The following GRK3 variants were observed in gnomAD, a reference collection of about 807,000 sequenced individuals.
The protein encoded by GRK3 is G protein-coupled receptor kinase 3.
In GRK3, 54 loss-of-function variants were observed where a neutral mutation model predicts 95.7. The ratio of observed to expected loss-of-function variants is 0.56; its 90% CI spans 0.45 to 0.71. GRK3 has a LOEUF of 0.71. Ranked by LOEUF, GRK3 falls within the 30% of genes least tolerant of loss-of-function variation. The pLI, the probability that GRK3 is intolerant of heterozygous loss-of-function variation, is 0.00. For missense variants in GRK3, 649 were observed against 851.2 expected (o/e 0.76, Z 2.96); for synonymous variants, 281 against 290.8 (o/e 0.97, Z 0.34).
intron 1 of GRK3, among the ~76,000 whole-genome samples, chr22:25,571,149 C>T (rs1931687487): frequency 6.6e-6 from 1 of 152,146 alleles, no homozygotes; most frequent in South Asian, 2.1e-4. Flanking sequence ...CAGCCCAGAC[C>T]TCCATCCTTA....
chr22:25,720,665 C>T (rs945964736), intron 19 of GRK3, among the ~76,000 whole-genome samples: 91 of 151,854 alleles, frequency 6.0e-4, no homozygotes, highest in African/African-American at 2.1e-3. Flanking sequence ...TTAGTAGAGA[C>T]GGGGTTTCAC....
chr22:25,671,384 T>C (rs921658914), intron 6 of GRK3, among the ~76,000 whole-genome samples: 3 of 152,184 alleles, frequency 2.0e-5, no homozygotes, highest in Non-Finnish European at 2.9e-5. Context: ...ACAGATATAT[T>C]GCTCATTAAT....
At chr22:25,665,655 T>C (rs1342937513) in intron 5 of GRK3, among the ~76,000 whole-genome samples, 1 of 152,218 alleles carries the variant, frequency 6.6e-6, no homozygotes, top group Non-Finnish European at 1.5e-5. Flanking sequence ...TTATAAAGTT[T>C]ATTAAAATAA....
At chr22:25,704,073 A>G (rs2085279966) in intron 14 of GRK3, 36 bp from the exon 15 acceptor site, 1 of 1,519,518 alleles carries the variant, frequency 6.6e-7, no homozygotes, top group Admixed American at 1.7e-5. Context: ...CTGTTTCATG[A>G]ACGGATTTTT....
chr22:25,667,053 G>A (rs1204347387), intron 5 of GRK3, among the ~76,000 whole-genome samples: 4 of 152,096 alleles, frequency 2.6e-5, no homozygotes, highest in Non-Finnish European at 4.4e-5. Flanking sequence ...AGGAGCCCTC[G>A]CCTTAACCCC....
chr22:25,585,835 A>C (rs1932280599), intron 1 of GRK3, among the ~76,000 whole-genome samples: 2 of 152,266 alleles, frequency 1.3e-5, no homozygotes, highest in Non-Finnish European at 1.5e-5. Flanking sequence ...GTAGAATCTG[A>C]AAAAAGTTAA....
chr22:25,678,250 C>T (rs1043627546), intron 8 of GRK3, among the ~76,000 whole-genome samples: 12 of 152,118 alleles, frequency 7.9e-5, no homozygotes, highest in Non-Finnish European at 1.2e-4. Context: ...GTCAGGAGAT[C>T]GAGACCATCC....
At chr22:25,608,276 T>A (rs1455886583) in intron 2 of GRK3, among the ~76,000 whole-genome samples, 7 of 152,222 alleles carry the variant, frequency 4.6e-5, no homozygotes, top group African/African-American at 1.7e-4. Flanking sequence ...ATGGTGAGTT[T>A]TCTAAATACA....
chr22:25,639,019 A>G (rs996568145), intron 2 of GRK3, among the ~76,000 whole-genome samples: 1 of 152,146 alleles, frequency 6.6e-6, no homozygotes, highest in African/African-American at 2.4e-5. Context: ...GATGTGTTCA[A>G]ATCTTCCTTG....
In GRK3 at chr22:25,644,649, T is replaced by A; in HGVS notation, c.248T>A (p.Val83Glu). Residue 83 changes from valine (V) to glutamate (E), a missense_variant, in exon 3 of 21, where the codon GTG becomes GAG. Physicochemically the swap from Val to Glu is moderately radical, Grantham distance 121 (BLOSUM62 -2). Coordinates refer to ENST00000324198, the MANE Select transcript of GRK3 (RefSeq NM_005160.4). ...LNEINEAVPQ[V>E]KFYEEIKEYE... ...GAAATTAATGAAGCTGTACCTCAGG[T>A]GAAGTTTTATGAAGAGGTAAGAAGT... 6.4e-7 allele frequency: 1 copy of A among 1,551,298 alleles called. No individual in the cohort carries two copies. Among genetic ancestry groups the A allele is most frequent in the Non-Finnish European group, 8.9e-7 (1 of 1,129,410 alleles).
intron 13 of GRK3, chr22:25,703,022 T>G: frequency 5.4e-6 from 2 of 368,652 alleles, no homozygotes; most frequent in Non-Finnish European, 1.1e-5. Context: ...AAGGGATGTA[T>G]TACTTAAAAT....
At chr22:25,633,890 A>T (rs2084681406) in intron 2 of GRK3, among the ~76,000 whole-genome samples, 1 of 152,172 alleles carries the variant, frequency 6.6e-6, no homozygotes, top group South Asian at 2.1e-4. Context: ...ATTCCATACA[A>T]CATAGTTATG....
chr22:25,620,784 C>T (rs1428800675), intron 2 of GRK3, among the ~76,000 whole-genome samples: 1 of 152,060 alleles, frequency 6.6e-6, no homozygotes, highest in Non-Finnish European at 1.5e-5. Context: ...TTGACAGCAC[C>T]GTTTGGAGTT....
chr22:25,613,268 G>T (rs536852761), intron 2 of GRK3, among the ~76,000 whole-genome samples: 2 of 151,952 alleles, frequency 1.3e-5, no homozygotes, highest in South Asian at 4.2e-4. Flanking sequence ...TTCTGTCACA[G>T]TGAAGGGCCT....
chr22:25,718,950 C>T (rs1026023173), intron 19 of GRK3, among the ~76,000 whole-genome samples: 6 of 152,220 alleles, frequency 3.9e-5, no homozygotes, highest in Non-Finnish European at 8.8e-5. Flanking sequence ...CACAGTCTAA[C>T]GACTGTTTAC....
chr22:25,630,411 A>T (rs1286334029), intron 2 of GRK3, among the ~76,000 whole-genome samples: 1 of 152,036 alleles, frequency 6.6e-6, no homozygotes, highest in Non-Finnish European at 1.5e-5. Context: ...TTTAACTGTC[A>T]GTTTGTTTAC....
At chr22:25,636,127 A>G (rs1016390620) in intron 2 of GRK3, among the ~76,000 whole-genome samples, 11 of 152,146 alleles carry the variant, frequency 7.2e-5, no homozygotes, top group Non-Finnish European at 1.6e-4. Flanking sequence ...CAGATGTTTA[A>G]AGCTCATGTT....
intron 17 of GRK3, 113 bp downstream of exon 17, chr22:25,711,276 C>G: frequency 1.8e-6 from 1 of 569,318 alleles, no homozygotes; most frequent in Non-Finnish European, 3.0e-6. Flanking sequence ...ATTTAACTTA[C>G]AAATGAGTAT....
intron 1 of GRK3, among the ~76,000 whole-genome samples, chr22:25,572,505 T>C (rs892527735): frequency 3.3e-5 from 5 of 152,216 alleles, no homozygotes; most frequent in Middle Eastern, 3.2e-3. Flanking sequence ...CTCCACATCC[T>C]CTCCAACACC....
Sources: allele counts gnomAD v4.1 joint callset (sites outside exome capture counted in the v4.1 genomes callset), GRCh38; gene constraint gnomAD v4.1.1; transcripts MANE v1.5; gene names NCBI Gene and HGNC (gene_info 2026-07-23, HGNC 2026-07-21).